TRHDE: variants seen among roughly 807,000 people sequenced by gnomAD.
The protein encoded by TRHDE is thyrotropin releasing hormone degrading enzyme.
TRHDE carries 72 observed loss-of-function variants against 125.7 expected under a neutral mutation model. The ratio of observed to expected loss-of-function variants is 0.57; its 90% CI spans 0.47 to 0.70. The LOEUF is 0.70. Ranked by LOEUF, TRHDE falls within the 30% of genes least tolerant of loss-of-function variation. The probability of loss-of-function intolerance (pLI) is 0.00; values close to 1 mark genes in which losing one functional copy is unlikely to be tolerated. For missense variants in TRHDE, 1,110 were observed against 1,327.1 expected, an observed-to-expected ratio of 0.84 and a Z score of 2.54; for synonymous variants, 509 against 509.1, an observed-to-expected ratio of 1.00 and a Z score of 0.00.
intron 2 of TRHDE, among the ~76,000 whole-genome samples, chr12:72,359,424 A>G (rs924068155): frequency 2.6e-5 from 4 of 151,666 alleles, no homozygotes; most frequent in Admixed American, 1.3e-4. Flanking sequence ...CCAATACAAA[A>G]CAACACAGAA....
At chr12:72,213,092 T>C (rs1369704025) in intron 2 of TRHDE, among the ~76,000 whole-genome samples, 1 of 152,026 alleles carries the variant, frequency 6.6e-6, no homozygotes, top group African/African-American at 2.4e-5. Flanking sequence ...AAAGATTACA[T>C]GTTATGTATA....
At chr12:72,263,196 A>T (rs565378793) in intron 2 of TRHDE, 3 of 152,206 alleles carry the variant, frequency 2.0e-5, no homozygotes, top group African/African-American at 7.2e-5. Context: ...TACATAGTTC[A>T]GTCCCCATTG....
chr12:72,217,047 T>G (rs957499497), intron 2 of TRHDE, among the ~76,000 whole-genome samples: 4 of 151,992 alleles, frequency 2.6e-5, no homozygotes, highest in Non-Finnish European at 5.9e-5. Flanking sequence ...TACTATATAC[T>G]CCATAAATGA....
chr12:72,091,200 C>T (rs755041163), intron 1 of TRHDE, among the ~76,000 whole-genome samples: 5 of 152,058 alleles, frequency 3.3e-5, no homozygotes, highest in African/African-American at 4.8e-5. Flanking sequence ...AAACCACCTC[C>T]GAGTCTAGGC....
chr12:72,271,929 C>G (rs542993609), upstream of TRHDE: 1 of 456,646 alleles, frequency 2.2e-6, no homozygotes, highest in East Asian at 7.0e-5. Flanking sequence ...AACCTCCTGC[C>G]GTTTGCCGCC....
intron 1 of TRHDE, among the ~76,000 whole-genome samples, chr12:72,096,992 C>T (rs1404638274): frequency 2.0e-5 from 3 of 152,120 alleles, no homozygotes; most frequent in South Asian, 2.1e-4. Flanking sequence ...TTGGCCAATT[C>T]GATTATCTGT....
intron 3 of TRHDE, among the ~76,000 whole-genome samples, chr12:72,415,131 T>C: frequency 6.6e-6 from 1 of 152,140 alleles, no homozygotes; most frequent in East Asian, 1.9e-4. Flanking sequence ...TGTGATATCA[T>C]GCTGCTTTGC....
At chr12:72,353,008 A>G (rs1870653028) in intron 2 of TRHDE, among the ~76,000 whole-genome samples, 1 of 151,490 alleles carries the variant, frequency 6.6e-6, no homozygotes, top group African/African-American at 2.4e-5. Context: ...TTTTAAAAAA[A>G]TTACCCAATA....
chr12:72,402,044 A>G (rs1873066096), intron 3 of TRHDE, among the ~76,000 whole-genome samples: 1 of 152,104 alleles, frequency 6.6e-6, no homozygotes, highest in African/African-American at 2.4e-5. Context: ...GCTGTAGAAA[A>G]GTACCACAAA....
At chr12:72,539,166 T>C (rs1322310661) in intron 6 of TRHDE, among the ~76,000 whole-genome samples, 1 of 151,948 alleles carries the variant, frequency 6.6e-6, no homozygotes, top group Non-Finnish European at 1.5e-5. Context: ...TCCCTCCAGA[T>C]ATAACCTCTC....
intron 2 of TRHDE, among the ~76,000 whole-genome samples, chr12:72,178,072 A>G (rs1252632477): frequency 6.6e-6 from 1 of 152,152 alleles, no homozygotes. Flanking sequence ...GATATTGAGC[A>G]CCATTAATTG....
At chr12:72,605,129 T>C (rs1299211755) in intron 12 of TRHDE, among the ~76,000 whole-genome samples, 1 of 152,100 alleles carries the variant, frequency 6.6e-6, no homozygotes, top group African/African-American at 2.4e-5. Context: ...GAAGCAACTA[T>C]CTTCCCTATA....
intron 1 of TRHDE, among the ~76,000 whole-genome samples, chr12:72,096,324 GC>G (rs149795127): frequency 0.025 from 3,818 of 152,136 alleles, 103 homozygotes; most frequent in East Asian, 0.11. Flanking sequence ...TCCTTTGTCC[GC>G]TGCAAACACA....
At chr12:72,661,145 T>C (rs1371985175) in intron 18 of TRHDE, among the ~76,000 whole-genome samples, 4 of 152,202 alleles carry the variant, frequency 2.6e-5, no homozygotes, top group Admixed American at 6.5e-5. Context: ...AGTGAATCTC[T>C]AGAGACCCAC....
intron 3 of TRHDE, among the ~76,000 whole-genome samples, chr12:72,462,318 G>A (rs866256483): frequency 1.3e-5 from 2 of 152,208 alleles, no homozygotes; most frequent in South Asian, 2.1e-4. Flanking sequence ...GAGCCCATCT[G>A]TGAATCGGAA....
At chr12:72,165,027 C>T (rs1876714206) in intron 2 of TRHDE, among the ~76,000 whole-genome samples, 1 of 152,036 alleles carries the variant, frequency 6.6e-6, no homozygotes, top group Admixed American at 6.6e-5. Flanking sequence ...GATCTTGGGG[C>T]CCTAGGAATA....
At chr12:72,134,080 G>A (rs548706548) in intron 2 of TRHDE, among the ~76,000 whole-genome samples, 1 of 152,348 alleles carries the variant, frequency 6.6e-6, no homozygotes, top group South Asian at 2.1e-4. Context: ...TGATGGAACT[G>A]ACAGGTTTTC....
chr12:72,426,887 C>A (rs958274528), intron 3 of TRHDE, among the ~76,000 whole-genome samples: 2 of 151,838 alleles, frequency 1.3e-5, no homozygotes, highest in African/African-American at 4.8e-5. Flanking sequence ...TTTATCATTG[C>A]CAAACTTTTT....
In TRHDE at chr12:72,272,619, CGGG is replaced by C; in HGVS notation, c.-22_-20del. 2.3e-6 allele frequency: 2 copies of C among 881,508 alleles called. No individual in the cohort carries two copies. The highest frequency in any genetic ancestry group is 3.3e-6 in the Non-Finnish European group (2 of 608,866). 54.6% of individuals were successfully genotyped at this position (881,508 alleles called of 1,614,324 possible). On this transcript the variant is annotated 5_prime_UTR_variant, in exon 1 of 19. Coordinates refer to ENST00000261180, the MANE Select transcript of TRHDE (RefSeq NM_013381.3). This position sits in a 1 kb window ranked among gnomAD's most constrained non-coding sequence, Gnocchi z 6.7. ...CGCCCGCGGGGGGTGCCAGAGGGGG[CGGG>C]GGAGGAGGAGGAGGCGGTGTGATGG...
Sources: gnomAD v4.1 joint callset for allele counts (sites outside exome capture counted in the v4.1 genomes callset) on GRCh38, gnomAD v4.1.1 for gene constraint, Gnocchi (gnomAD v3.1) non-coding constraint, MANE v1.5 for transcripts, NCBI Gene and HGNC (gene_info 2026-07-23, HGNC 2026-07-21) for gene names.